ELMO1: variants seen among roughly 807,000 people sequenced by gnomAD.
The protein encoded by ELMO1 is engulfment and cell motility protein 1.
ELMO1 carries 26 observed loss-of-function variants against 98.9 expected under a neutral mutation model. The observed-to-expected ratio is 0.26, with a 90% CI of 0.19 to 0.36. The LOEUF (loss-of-function observed/expected upper bound fraction) is 0.36, where lower values mean the gene tolerates loss of function less well. Among genes scored for constraint, ELMO1 ranks in the 10% least tolerant of loss-of-function variants. The probability of loss-of-function intolerance (pLI) is 1.00; values close to 1 mark genes in which losing one functional copy is unlikely to be tolerated. For synonymous variants in ELMO1, 346 were observed against 346.0 expected, an observed-to-expected ratio of 1.00 and a Z score of 0.00; for missense variants, 627 against 935.2, an observed-to-expected ratio of 0.67 and a Z score of 4.30.
chr7:37,226,711 G>A (rs746192285), intron 8 of ELMO1, among the ~76,000 whole-genome samples: 8 of 152,142 alleles, frequency 5.3e-5, no homozygotes, highest in Non-Finnish European at 7.3e-5. Context: ...CCTTAAGGAT[G>A]CATGGAGGCT....
At position 37,133,186 on chromosome 7, in the gene ELMO1, A is replaced by C. The variant is rs749453235; in HGVS notation, c.1135T>G (p.Leu379Val). The change falls in exon 14 of 22, where the codon TTG (leucine) becomes GTG (valine). Residue 379 changes from leucine (L) to valine (V), a missense_variant. Physicochemically the swap from Leu to Val is conservative, Grantham distance 32. Transcript: ENST00000310758. ...MDFTQTPPGM[L>V]ALDNMLYFAK... ...AAGTACAGCATGTTGTCCAGAGCCA[A>C]CATCCCAGGTGGAGTCTGCGTGAAG... The C allele has an allele frequency of 2.5e-5, 40 of 1,613,274 alleles. No individual in the cohort carries two copies. The highest frequency in any genetic ancestry group is 3.2e-5 in the Non-Finnish European group (38 of 1,179,662).
At chr7:37,436,084 C>G (rs1805129841) in intron 1 of ELMO1, among the ~76,000 whole-genome samples, 1 of 152,226 alleles carries the variant, frequency 6.6e-6, no homozygotes, top group Non-Finnish European at 1.5e-5. Context: ...CACCTGAATT[C>G]CCTCATCTGT....
intron 1 of ELMO1, among the ~76,000 whole-genome samples, chr7:37,433,566 C>G (rs938053362): frequency 2.6e-5 from 4 of 152,074 alleles, no homozygotes; most frequent in African/African-American, 9.7e-5. Flanking sequence ...GGTGTTTCCC[C>G]TTAATATTCA....
intron 1 of ELMO1, among the ~76,000 whole-genome samples, chr7:37,348,893 T>G (rs141879556): frequency 6.6e-6 from 1 of 152,188 alleles, no homozygotes; most frequent in Admixed American, 6.5e-5. Context: ...TCCCATATAG[T>G]TTTTTAGTTT....
intron 16 of ELMO1, among the ~76,000 whole-genome samples, chr7:36,937,426 C>A (rs1441386121): frequency 6.6e-6 from 1 of 152,194 alleles, no homozygotes; most frequent in Non-Finnish European, 1.5e-5. Context: ...GATTCCCCTG[C>A]AGATTTCAGA....
At chr7:37,327,168 C>G (rs1799864253) in intron 2 of ELMO1, among the ~76,000 whole-genome samples, 1 of 152,240 alleles carries the variant, frequency 6.6e-6, no homozygotes, top group African/African-American at 2.4e-5. Context: ...GGCCACTGCA[C>G]TCCACCATGC....
At chr7:37,263,717 G>C (rs1584890433) in intron 5 of ELMO1, among the ~76,000 whole-genome samples, 1 of 152,172 alleles carries the variant, frequency 6.6e-6, no homozygotes, top group East Asian at 1.9e-4. Flanking sequence ...CCCTGATTCA[G>C]GTGGAACAAG....
Position 37,342,349 on chromosome 7 carries a change from G to A in ELMO1, c.78+264C>T, listed in dbSNP as rs1800761991. Reference sequence around the variant, plus strand: ...CCACTGTGTCAACTGCCCAGGGCCCGATCCACTTGTCCCTCCCACCTCCTT... The same window carrying A: ...CCACTGTGTCAACTGCCCAGGGCCCAATCCACTTGTCCCTCCCACCTCCTT... On this transcript the variant is annotated intron_variant, in intron 2 of 21. Transcript: ENST00000310758. The surrounding 1 kb of genome is among the most constrained non-coding windows in gnomAD (Gnocchi z 4.3). 2.0e-5 allele frequency among the ~76,000 whole-genome samples: 3 copies of A among 152,174 alleles called. No individual in the cohort carries two copies. Among genetic ancestry groups the A allele is most frequent in the African/African-American group, 7.2e-5 (3 of 41,438 alleles).
At chr7:37,418,120 A>G (rs1321599815) in intron 1 of ELMO1, among the ~76,000 whole-genome samples, 2 of 152,008 alleles carry the variant, frequency 1.3e-5, no homozygotes, top group African/African-American at 2.4e-5. Context: ...CAAACTCAAC[A>G]TTGCAGGCTC....
intron 14 of ELMO1, among the ~76,000 whole-genome samples, chr7:37,122,197 G>C (rs186353837): frequency 6.6e-6 from 1 of 152,194 alleles, no homozygotes; most frequent in East Asian, 1.9e-4. Context: ...AAATTGTAAA[G>C]ACCATTGAGA....
chr7:37,326,451 G>C (rs1242818992), intron 2 of ELMO1, among the ~76,000 whole-genome samples: 1 of 151,572 alleles, frequency 6.6e-6, no homozygotes, highest in Non-Finnish European at 1.5e-5. Context: ...GCTACCCAGA[G>C]GGCTGAGGCA....
At chr7:37,136,087 G>A (rs1036315021) in intron 13 of ELMO1, among the ~76,000 whole-genome samples, 1 of 152,148 alleles carries the variant, frequency 6.6e-6, no homozygotes. Flanking sequence ...TCACTGGAAA[G>A]TAACAGCAGT....
At position 37,257,932 on chromosome 7, in the gene ELMO1, G is replaced by C. The variant is rs545664445; in HGVS notation, c.413+1249C>G. Among the ~76,000 whole-genome samples, 21 of 145,262 alleles carry C rather than the reference G, an allele frequency of 1.4e-4. 1 individual carries two copies. The highest frequency in any genetic ancestry group is 3.8e-3 in the Middle Eastern group (1 of 262). On this transcript the variant is annotated intron_variant, in intron 6 of 21. Transcript: ENST00000310758. ...GCAGATCATTTGAGGTTAGGAGTTCGAGACCAGCCTGGCCAACGTGGTAAA... is the reference window on the plus strand; with the variant it reads ...GCAGATCATTTGAGGTTAGGAGTTCCAGACCAGCCTGGCCAACGTGGTAAA...
At chr7:37,246,549 C>T (rs568886062) in intron 6 of ELMO1, among the ~76,000 whole-genome samples, 1 of 152,290 alleles carries the variant, frequency 6.6e-6, no homozygotes, top group Non-Finnish European at 1.5e-5. Context: ...TGTTATATTC[C>T]AGCCAAAGAC....
intron 1 of ELMO1, among the ~76,000 whole-genome samples, chr7:37,355,624 G>A (rs1801465858): frequency 6.6e-6 from 1 of 152,218 alleles, no homozygotes; most frequent in Non-Finnish European, 1.5e-5. Flanking sequence ...ATTCTGGAAG[G>A]ATTGACCTAC....
At chr7:37,051,379 A>G (rs1226658342) in intron 15 of ELMO1, among the ~76,000 whole-genome samples, 1 of 152,208 alleles carries the variant, frequency 6.6e-6, no homozygotes, top group Non-Finnish European at 1.5e-5. Flanking sequence ...TAATTTTTGT[A>G]AGACTAATAA....
intron 1 of ELMO1, among the ~76,000 whole-genome samples, chr7:37,346,621 T>C (rs972644736): frequency 1.3e-5 from 2 of 152,244 alleles, no homozygotes; most frequent in Non-Finnish European, 2.9e-5. Context: ...CAAGTTCAAT[T>C]ACATATCCTA....
intron 16 of ELMO1, among the ~76,000 whole-genome samples, chr7:36,898,296 C>A (rs1005914527): frequency 6.6e-6 from 1 of 152,174 alleles, no homozygotes; most frequent in Non-Finnish European, 1.5e-5. Flanking sequence ...AACCCACAGA[C>A]GGTGTTGCGG....
chr7:37,325,107 T>TA (rs563491616), intron 2 of ELMO1, among the ~76,000 whole-genome samples: 12 of 151,588 alleles, frequency 7.9e-5, no homozygotes, highest in South Asian at 2.1e-4. Context: ...TCACACACTT[T>TA]AAAAAAAAAT....
Sources: gnomAD v4.1 joint callset for allele counts (sites outside exome capture counted in the v4.1 genomes callset) on GRCh38, gnomAD v4.1.1 for gene constraint, Gnocchi (gnomAD v3.1) non-coding constraint, MANE v1.5 for transcripts, NCBI Gene and HGNC (gene_info 2026-07-23, HGNC 2026-07-21) for gene names.